The following ARMC8 variants were observed in gnomAD, a reference collection of about 807,000 sequenced individuals.
ARMC8 encodes the protein armadillo repeat containing 8, also known as armadillo repeat-containing protein 8.
A neutral mutation model predicts 99.3 loss-of-function variants in ARMC8; 20 were observed. The observed-to-expected ratio is 0.20, with a 90% CI of 0.14 to 0.29. The LOEUF (loss-of-function observed/expected upper bound fraction) is 0.29, where lower values mean the gene tolerates loss of function less well. Among genes scored for constraint, ARMC8 ranks in the 10% least tolerant of loss-of-function variants. The probability of loss-of-function intolerance (pLI) is 1.00; values close to 1 mark genes in which losing one functional copy is unlikely to be tolerated. For synonymous variants in ARMC8, 263 were observed against 278.3 expected (o/e 0.95, Z 0.55); for missense variants, 569 against 809.5 (o/e 0.70, Z 3.60).
chr3:138,229,359 C>A (rs574356920), intron 6 of ARMC8, among the ~76,000 whole-genome samples: 3 of 143,206 alleles, frequency 2.1e-5, no homozygotes, highest in African/African-American at 7.8e-5. Flanking sequence ...TTTAACAGTG[C>A]ATAGTATTTT....
chr3:138,226,677 G>A (rs1366822301), intron 5 of ARMC8, among the ~76,000 whole-genome samples: 1 of 151,942 alleles, frequency 6.6e-6, no homozygotes, highest in Non-Finnish European at 1.5e-5. Context: ...TTTTACCCTG[G>A]AAGTTTCTCA....
intron 12 of ARMC8, among the ~76,000 whole-genome samples, chr3:138,252,449 ACT>A (rs1247338297): frequency 7.2e-6 from 1 of 139,384 alleles, no homozygotes; most frequent in African/African-American, 2.8e-5. Flanking sequence ...CTAACCATAA[ACT>A]CTTTTTTTTT....
intron 1 of ARMC8, among the ~76,000 whole-genome samples, chr3:138,199,845 C>T (rs1240910982): frequency 2.6e-5 from 4 of 152,120 alleles, no homozygotes; most frequent in Admixed American, 1.3e-4. Context: ...TTGATCTGAG[C>T]AGTGTACTTG....
chr3:138,271,829 T>A (rs1344109845), intron 16 of ARMC8, among the ~76,000 whole-genome samples: 3 of 150,184 alleles, frequency 2.0e-5, no homozygotes, highest in Non-Finnish European at 4.4e-5. Context: ...AGAGTCTCGC[T>A]TAGTTGCCCA....
chr3:138,298,385 A>G (rs1158285969), downstream of ARMC8: 1 of 152,242 alleles, frequency 6.6e-6, no homozygotes, highest in Non-Finnish European at 1.5e-5. Flanking sequence ...GGCAACTTCT[A>G]AAAAGGAGTC....
intron 19 of ARMC8, among the ~76,000 whole-genome samples, chr3:138,288,209 TAGGTG>T (rs1301275120): frequency 1.3e-5 from 2 of 152,186 alleles, no homozygotes; most frequent in African/African-American, 4.8e-5. Context: ...TGTGAAAGTC[TAGGTG>T]TTACAGAACT....
In ARMC8 at chr3:138,218,103, T is replaced by TGTA. The variant is rs767666116; in HGVS notation, c.123-3820_123-3818dup. Among the ~76,000 whole-genome samples the TGTA allele has an allele frequency of 5.9e-5, 9 of 152,254 alleles. No homozygotes were observed. The South Asian group carries it at 1.4e-3, about 25-fold the overall frequency. ...TATGGGGGTATATAAGGGTGAATAA[T>TGTA]GTAGTCAGTGCTCTGAAGGGTCCAA... is the stretch of plus-strand genomic sequence containing the variant. On this transcript the variant is annotated intron_variant, in intron 2 of 21. Coordinates refer to ENST00000469044, the MANE Select transcript of ARMC8 (RefSeq NM_001363941.2).
chr3:138,198,043 T>C (rs891328953), intron 1 of ARMC8, among the ~76,000 whole-genome samples: 2 of 152,160 alleles, frequency 1.3e-5, no homozygotes, highest in African/African-American at 4.8e-5. Context: ...AAAAACTCAC[T>C]ACAGAGCCAG....
At chr3:138,191,723 A>C (rs950781973) in intron 1 of ARMC8, among the ~76,000 whole-genome samples, 2 of 152,062 alleles carry the variant, frequency 1.3e-5, no homozygotes, top group African/African-American at 4.8e-5. Flanking sequence ...TAATGTTGTC[A>C]TTTTCTATAA....
chr3:138,286,056 G>A (rs1380248733), intron 19 of ARMC8, among the ~76,000 whole-genome samples: 1 of 152,138 alleles, frequency 6.6e-6, no homozygotes, highest in Non-Finnish European at 1.5e-5. Flanking sequence ...CGATTCTCCT[G>A]CCTCAGCCTC....
intron 10 of ARMC8, among the ~76,000 whole-genome samples, chr3:138,240,597 A>G (rs1342350016): frequency 6.6e-6 from 1 of 152,244 alleles, no homozygotes; most frequent in African/African-American, 2.4e-5. Flanking sequence ...AAAAAAGAAT[A>G]GGGCCTTCCC....
rs537845236 is a variant in ARMC8, at chr3:138,272,042, T to C, written c.1480-925T>C. Among the ~76,000 whole-genome samples, 6 of 152,318 alleles carry C rather than the reference T, an allele frequency of 3.9e-5. No homozygotes were observed. The South Asian group carries it at 1.0e-3, about 26-fold the overall frequency. ...ATGGTTTTTGTTTTCTTCAGACATG[T>C]ATAGCTTGGGATTAAGCTGGGTTAA... On this transcript the variant is annotated intron_variant, in intron 16 of 21. Transcript: ENST00000469044.
intron 15 of ARMC8, among the ~76,000 whole-genome samples, chr3:138,269,616 AC>A (rs1383799071): frequency 6.6e-6 from 1 of 152,122 alleles, no homozygotes; most frequent in African/African-American, 2.4e-5. Context: ...CAACCATATT[AC>A]TTCATAGAGT....
intron 6 of ARMC8, among the ~76,000 whole-genome samples, chr3:138,231,940 C>T (rs1222481719): frequency 7.6e-6 from 1 of 132,152 alleles, no homozygotes; most frequent in Non-Finnish European, 1.6e-5. Context: ...GGTTCAGCCA[C>T]TAATTCTTTC....
chr3:138,263,704 G>A (rs761534040), intron 12 of ARMC8, 35 bp from the exon 13 acceptor site: 2 of 1,542,748 alleles, frequency 1.3e-6, no homozygotes, highest in South Asian at 2.2e-5. Context: ...TCACCTTCAT[G>A]TTGTTATTTA....
chr3:138,205,809 A>G (rs1331690041), intron 1 of ARMC8, among the ~76,000 whole-genome samples: 3 of 152,204 alleles, frequency 2.0e-5, no homozygotes, highest in Admixed American at 2.0e-4. Flanking sequence ...AAGTACACAC[A>G]TAAGTCAGAT....
chr3:138,285,812 T>A (rs780039516), intron 19 of ARMC8, among the ~76,000 whole-genome samples: 4 of 152,194 alleles, frequency 2.6e-5, no homozygotes, highest in Non-Finnish European at 4.4e-5. Context: ...ATGAAAACCT[T>A]ACCACTTCAA....
chr3:138,187,694 C>T (rs535821349), intron 1 of ARMC8, 95 bp downstream of exon 1: 2 of 1,360,842 alleles, frequency 1.5e-6, no homozygotes, highest in South Asian at 1.2e-5. Context: ...CTGGGCACCA[C>T]CCCCTGGGGT....
intron 1 of ARMC8, among the ~76,000 whole-genome samples, chr3:138,196,188 T>C (rs547140529): frequency 1.3e-5 from 2 of 152,304 alleles, no homozygotes; most frequent in African/African-American, 4.8e-5. Context: ...GAAAGAGTCA[T>C]GATGATCATT....
Sources: allele counts gnomAD v4.1 joint callset (sites outside exome capture counted in the v4.1 genomes callset), GRCh38; gene constraint gnomAD v4.1.1; transcripts MANE v1.5; gene names NCBI Gene and HGNC (gene_info 2026-07-23, HGNC 2026-07-21).